CRACD: variants seen among roughly 807,000 people sequenced by gnomAD.
CRACD encodes the protein capping protein-inhibiting regulator of actin dynamics.
Under a neutral mutation model 106.8 loss-of-function variants are expected in CRACD, and 56 were observed. The observed-to-expected ratio is 0.52, with a 90% CI of 0.42 to 0.66. The LOEUF (loss-of-function observed/expected upper bound fraction) is 0.66. CRACD is among the 30% of genes least tolerant of loss of function. CRACD has a pLI of 0.00. For synonymous variants in CRACD, 754 were observed against 670.8 expected (o/e 1.12, Z -1.92); for missense variants, 1,730 against 1,623.2 (o/e 1.07, Z -1.13).
chr4:56,147,696 A>T (rs1379176883), intron 1 of CRACD, among the ~76,000 whole-genome samples: 1 of 152,116 alleles, frequency 6.6e-6, no homozygotes, highest in African/African-American at 2.4e-5. Context: ...TCTATGTTTA[A>T]CCTTTTGAGA....
chr4:56,284,772 A>G (rs973222603), intron 3 of CRACD, among the ~76,000 whole-genome samples: 2 of 152,184 alleles, frequency 1.3e-5, no homozygotes, highest in African/African-American at 4.8e-5. Context: ...CGTACTTTAC[A>G]ACATGCAAAG....
intron 2 of CRACD, among the ~76,000 whole-genome samples, chr4:56,255,113 C>CAAAAAA (rs5858370): frequency 1.3e-5 from 1 of 74,788 alleles, no homozygotes; most frequent in Non-Finnish European, 2.6e-5. Flanking sequence ...GACTCCATCT[C>CAAAAAA]AAAAAAAAAA....
chr4:56,071,828 T>C (rs545273526), intron 1 of CRACD, among the ~76,000 whole-genome samples: 14 of 151,390 alleles, frequency 9.2e-5, no homozygotes, highest in African/African-American at 2.7e-4. Context: ...TTTATACTTA[T>C]AAAAGTTTCA....
At chr4:56,202,637 A>G (rs1308651943) in intron 2 of CRACD, among the ~76,000 whole-genome samples, 2 of 152,212 alleles carry the variant, frequency 1.3e-5, no homozygotes, top group Non-Finnish European at 2.9e-5. Context: ...TCTTTGAGGA[A>G]CAAACTTTAA....
At chr4:56,053,760 A>G (rs1219488754) in intron 1 of CRACD, among the ~76,000 whole-genome samples, 1 of 152,228 alleles carries the variant, frequency 6.6e-6, no homozygotes. Flanking sequence ...AAAGCTGACA[A>G]TTTAAAAATC....
At chr4:56,195,112 T>C (rs1225554492) in intron 2 of CRACD, among the ~76,000 whole-genome samples, 1 of 152,178 alleles carries the variant, frequency 6.6e-6, no homozygotes, top group Non-Finnish European at 1.5e-5. Context: ...AGATTAAGAC[T>C]TTGGGATGGA....
chr4:56,131,260 T>C (rs1238131480), intron 1 of CRACD, among the ~76,000 whole-genome samples: 3 of 152,190 alleles, frequency 2.0e-5, no homozygotes, highest in Non-Finnish European at 4.4e-5. Context: ...TGTTTCCTCA[T>C]CTCGATTAAG....
intron 1 of CRACD, among the ~76,000 whole-genome samples, chr4:56,064,337 T>C (rs1732385640): frequency 6.6e-6 from 1 of 152,214 alleles, no homozygotes; most frequent in African/African-American, 2.4e-5. Flanking sequence ...TTAACTATAA[T>C]ATTTAGTTAT....
At chr4:56,082,134 A>G (rs1340685423) in intron 1 of CRACD, among the ~76,000 whole-genome samples, 1 of 152,188 alleles carries the variant, frequency 6.6e-6, no homozygotes. Flanking sequence ...TCTAGAGACT[A>G]CTTTAGATTG....
intron 4 of CRACD, among the ~76,000 whole-genome samples, chr4:56,302,567 G>A (rs546321132): frequency 3.3e-5 from 5 of 152,278 alleles, no homozygotes; most frequent in African/African-American, 1.2e-4. Flanking sequence ...CCTTACTGCA[G>A]CTGTCAAGGA....
chr4:56,223,058 G>A (rs1391372220), intron 2 of CRACD, among the ~76,000 whole-genome samples: 1 of 150,774 alleles, frequency 6.6e-6, no homozygotes. Context: ...AAAAAAAGCA[G>A]CAGATCTTCA....
At chr4:56,065,512 G>T (rs927476765) in intron 1 of CRACD, among the ~76,000 whole-genome samples, 3 of 152,198 alleles carry the variant, frequency 2.0e-5, no homozygotes, top group African/African-American at 4.8e-5. Flanking sequence ...TTGTTGTCAT[G>T]CAGGTAAGCC....
intron 3 of CRACD, among the ~76,000 whole-genome samples, chr4:56,273,363 C>T (rs1435364793): frequency 2.0e-5 from 3 of 147,624 alleles, no homozygotes; most frequent in South Asian, 4.4e-4. Flanking sequence ...CTCCCTCCCT[C>T]GTTTCTTCCT....
In CRACD at chr4:56,214,677, C is replaced by CTATATA. The variant is rs748365524; in HGVS notation, c.-189+35248_-189+35249insATATAT. On this transcript the variant is annotated intron_variant, in intron 2 of 10. Coordinates refer to ENST00000682029, the MANE Select transcript of CRACD (RefSeq NM_001393381.1). ...ACTCTCTCTCTCTCTCTCTCTCTCTCTCTCTATATATATATATATCAAACA... is the reference window on the plus strand; with the variant it reads ...ACTCTCTCTCTCTCTCTCTCTCTCTCTATATATCTCTATATATATATATATCAAACA... Among the ~76,000 whole-genome samples, 361 of 68,860 alleles carry CTATATA rather than the reference C, an allele frequency of 5.2e-3. 1 individual carries two copies. Among genetic ancestry groups the CTATATA allele is most frequent in the African/African-American group, 9.7e-3 (194 of 19,924 alleles). 45.2% of individuals were successfully genotyped at this position (68,860 alleles called of 152,430 possible). A position where few individuals can be genotyped will look rare whatever the true frequency, so the allele number is the denominator to read the frequency against.
rs188324267 is a variant in CRACD, at chr4:56,256,933, G to T, written c.-188-15388G>T. ...ATACCTTTCTCCCTTTGGAATTCAGGCACAACTGACCAGCGTTAACATTAA... is the reference window on the plus strand; with the variant it reads ...ATACCTTTCTCCCTTTGGAATTCAGTCACAACTGACCAGCGTTAACATTAA... On this transcript the variant is annotated intron_variant, in intron 2 of 10. Transcript: ENST00000682029. Among the ~76,000 whole-genome samples the T allele has an allele frequency of 5.9e-5, 9 of 152,180 alleles. No individual in the cohort carries two copies. In the East Asian group the frequency reaches 1.7e-3, roughly 29 times the overall value.
intron 8 of CRACD, chr4:56,321,181 T>G: frequency 3.6e-6 from 1 of 279,642 alleles, no homozygotes; most frequent in South Asian, 4.5e-5. Flanking sequence ...TTGTGGAGGA[T>G]AAACGGTTTT....
chr4:56,187,305 C>G (rs1737130509), intron 2 of CRACD, among the ~76,000 whole-genome samples: 1 of 152,052 alleles, frequency 6.6e-6, no homozygotes, highest in South Asian at 2.1e-4. Flanking sequence ...CTGCGGGCCT[C>G]CCAGAGGTGT....
chr4:56,215,286 A>G lies in CRACD; in HGVS notation c.-189+35856A>G, dbSNP rs1437887987. On this transcript the variant is annotated intron_variant, in intron 2 of 10. Coordinates refer to ENST00000682029, the MANE Select transcript of CRACD (RefSeq NM_001393381.1). ...TCCTCTCACCTCAGCCTTCCAAAGC[A>G]TTGGGATTACAAACGTGAATCACTG... 2.0e-5 allele frequency among the ~76,000 whole-genome samples: 3 copies of G among 152,146 alleles called. No individual in the cohort carries two copies. The East Asian group carries it at 5.8e-4, about 29-fold the overall frequency.
intron 1 of CRACD, among the ~76,000 whole-genome samples, chr4:56,164,910 C>T (rs1736086360): frequency 6.6e-6 from 1 of 152,140 alleles, no homozygotes. Context: ...CAATTTGGTT[C>T]AGAGTCCTCC....
Sources: gnomAD v4.1 joint callset for allele counts (sites outside exome capture counted in the v4.1 genomes callset) on GRCh38, gnomAD v4.1.1 for gene constraint, MANE v1.5 for transcripts, NCBI Gene and HGNC (gene_info 2026-07-23, HGNC 2026-07-21) for gene names.